Variants in CHL1 observed in about 807,000 individuals in gnomAD.
CHL1 encodes cell adhesion molecule L1 like, also known as neural cell adhesion molecule L1-like protein.
CHL1 carries 96 observed loss-of-function variants against 141.9 expected under a neutral mutation model. The observed-to-expected ratio is 0.68, with a 90% CI of 0.57 to 0.80. The LOEUF (loss-of-function observed/expected upper bound fraction) is 0.80, where lower values mean the gene tolerates loss of function less well. CHL1 is among the 30% of genes least tolerant of loss of function. The probability of loss-of-function intolerance (pLI) is 0.00; values close to 1 mark genes in which losing one functional copy is unlikely to be tolerated. For missense variants in CHL1, 1,820 were observed against 1,457.2 expected (o/e 1.25, Z -4.05); for synonymous variants, 613 against 502.2 (o/e 1.22, Z -2.95).
intron 2 of CHL1, among the ~76,000 whole-genome samples, chr3:271,920 A>G (rs904036045): frequency 6.6e-6 from 1 of 152,188 alleles, no homozygotes; most frequent in African/African-American, 2.4e-5. Context: ...TAACATTTCC[A>G]TTTGGTAGTC....
At chr3:268,332 G>C (rs918061070) in intron 2 of CHL1, among the ~76,000 whole-genome samples, 4 of 152,094 alleles carry the variant, frequency 2.6e-5, no homozygotes, top group African/African-American at 9.7e-5. Flanking sequence ...TCACGAGTTT[G>C]AGAGCAGTCT....
At chr3:225,343 A>G (rs1387026864) in intron 1 of CHL1, among the ~76,000 whole-genome samples, 1 of 152,234 alleles carries the variant, frequency 6.6e-6, no homozygotes, top group Non-Finnish European at 1.5e-5. Flanking sequence ...ATAGACAAAC[A>G]ATAAGTGTTG....
chr3:232,332 A>C lies in CHL1; in HGVS notation c.-174-12281A>C, dbSNP rs187049412. On this transcript the variant is annotated intron_variant, in intron 1 of 27. Coordinates refer to ENST00000256509, the MANE Select transcript of CHL1 (RefSeq NM_006614.4). ...TTATTTTTATTTCATTTTCATTAAC[A>C]ATATTTTGGGAATTGTCATTGAATT... Among the ~76,000 whole-genome samples the C allele has an allele frequency of 1.0e-3, 154 of 152,246 alleles. 2 individuals carry two copies. The South Asian group carries it at 0.028, about 28-fold the overall frequency.
At chr3:404,669 A>C (rs9812297) in intron 27 of CHL1, among the ~76,000 whole-genome samples, 9,220 of 152,238 alleles carry the variant, frequency 0.061, 937 homozygotes, top group African/African-American at 0.21. Flanking sequence ...TTTCAAAAAC[A>C]GAATGTGATT....
intron 1 of CHL1, among the ~76,000 whole-genome samples, chr3:221,574 CA>C (rs1294114852): frequency 3.3e-5 from 5 of 152,166 alleles, no homozygotes; most frequent in Non-Finnish European, 7.3e-5. Flanking sequence ...AAAGTCAACC[CA>C]GTTAGTTCCT....
At chr3:256,110 A>ATATTCTAAGCGAAGTAAGGAGGTTACC (rs557623070) in intron 2 of CHL1, among the ~76,000 whole-genome samples, 6,192 of 152,214 alleles carry the variant, frequency 0.041, 155 homozygotes, top group Middle Eastern at 0.068. Flanking sequence ...AGAGCTAAAC[A>ATATTCTAAGCGAAGTAAGGAGGTTACC]TATTCTAAGC....
rs1708151332 is a variant in CHL1, at chr3:390,731, TG to T, written c.2503del (p.Asp835ThrfsTer3). The part of the protein sequence containing the change: ...YPDTAPVIHG[V>X]DVINSTLVKV... The stretch of plus-strand genomic sequence containing the variant: ...GATACAGCTCCAGTGATCCATGGGG[TG>T]GACGTTATAAACAGTACATTAGTTA... On this transcript the variant is annotated frameshift_variant, in exon 21 of 28. Coordinates refer to ENST00000256509, the MANE Select transcript of CHL1 (RefSeq NM_006614.4). LOFTEE classifies it high-confidence loss of function. The T allele has an allele frequency of 1.2e-6, 2 of 1,606,828 alleles. No homozygotes were observed. The highest frequency in any genetic ancestry group is 1.7e-6 in the Non-Finnish European group (2 of 1,173,532).
chr3:242,632 A>G (rs1318878924), intron 1 of CHL1, among the ~76,000 whole-genome samples: 2 of 151,776 alleles, frequency 1.3e-5, no homozygotes, highest in South Asian at 4.2e-4. Flanking sequence ...ATAAAATAAT[A>G]CAGAGATAAT....
chr3:242,369 G>T (rs1176497828), intron 1 of CHL1, among the ~76,000 whole-genome samples: 17 of 144,988 alleles, frequency 1.2e-4, no homozygotes, highest in Non-Finnish European at 1.8e-4. Context: ...GGCTGAGGGG[G>T]GCAGATCACG....
intron 1 of CHL1, among the ~76,000 whole-genome samples, chr3:221,069 C>A (rs978477884): frequency 6.6e-6 from 1 of 152,196 alleles, no homozygotes; most frequent in African/African-American, 2.4e-5. Context: ...ATCTTTGAAT[C>A]CACCTATGAC....
chr3:365,871 G>A (rs1314113966), intron 14 of CHL1, 79 bp from the exon 15 acceptor site: 2 of 1,091,314 alleles, frequency 1.8e-6, no homozygotes, highest in African/African-American at 3.1e-5. Flanking sequence ...TGACAATTTG[G>A]GTTACTTAAC....
rs867668102 is a variant in CHL1 at position 227,355 on chromosome 3, G to A, written c.-174-17258G>A. ...CAAATACACCTGTGTGCAAGCTCCA[G>A]TGATGCCAGTTCCTAGTACTGGAGA... On this transcript the variant is annotated intron_variant, in intron 1 of 27. Transcript: ENST00000256509. Among the ~76,000 whole-genome samples the A allele has an allele frequency of 2.3e-4, 35 of 152,200 alleles. 1 individual carries two copies. Among genetic ancestry groups the A allele is most frequent in the African/African-American group, 8.0e-4 (33 of 41,450 alleles).
chr3:364,312 T>G (rs1255401657), intron 14 of CHL1, among the ~76,000 whole-genome samples: 1 of 152,214 alleles, frequency 6.6e-6, no homozygotes, highest in African/African-American at 2.4e-5. Flanking sequence ...TACTTATCTC[T>G]GATGTCTTTT....
chr3:337,249 G>GCTGT (rs1701952531), intron 5 of CHL1, among the ~76,000 whole-genome samples: 1 of 145,054 alleles, frequency 6.9e-6, no homozygotes, highest in Non-Finnish European at 1.5e-5. Context: ...GGAGGGCAGT[G>GCTGT]GCACAATCTC....
At chr3:394,659 A>G (rs774684923) in intron 23 of CHL1, 34 bp from the exon 24 acceptor site, 1 of 1,470,414 alleles carries the variant, frequency 6.8e-7, no homozygotes, top group Non-Finnish European at 9.4e-7. Context: ...ATGGTTAAAT[A>G]CATTTGAGCT....
chr3:222,456 A>G lies in CHL1; in HGVS notation c.-174-22157A>G, dbSNP rs547682974. Among the ~76,000 whole-genome samples the G allele has an allele frequency of 2.0e-5, 3 of 152,354 alleles. No homozygotes were observed. The South Asian group carries it at 6.2e-4, about 32-fold the overall frequency. ...GCATGTGGAGAATCACAGAGTGATT[A>G]CCTAATTACCCAATCAAACCCAAAC... On this transcript the variant is annotated intron_variant, in intron 1 of 27. Coordinates refer to ENST00000256509, the MANE Select transcript of CHL1 (RefSeq NM_006614.4).
At chr3:397,624 C>A (rs1462743794) in intron 24 of CHL1, among the ~76,000 whole-genome samples, 1 of 152,072 alleles carries the variant, frequency 6.6e-6, no homozygotes, top group African/African-American at 2.4e-5. Flanking sequence ...CTACTATTAA[C>A]ATATTGACAT....
intron 2 of CHL1, among the ~76,000 whole-genome samples, chr3:299,440 G>C (rs1275242103): frequency 6.6e-6 from 1 of 152,082 alleles, no homozygotes; most frequent in Non-Finnish European, 1.5e-5. Flanking sequence ...TGTTGATCTA[G>C]GAAAATGCTG....
chr3:216,452 G>A (rs1438532773), intron 1 of CHL1, among the ~76,000 whole-genome samples: 1 of 152,160 alleles, frequency 6.6e-6, no homozygotes, highest in African/African-American at 2.4e-5. Flanking sequence ...AAAGCTGAGA[G>A]TTAATTCTGA....
Sources: gnomAD v4.1 joint callset for allele counts (sites outside exome capture counted in the v4.1 genomes callset) on GRCh38, gnomAD v4.1.1 for gene constraint, MANE v1.5 for transcripts, NCBI Gene and HGNC (gene_info 2026-07-23, HGNC 2026-07-21) for gene names.